LAMB1: variants seen among roughly 807,000 people sequenced by gnomAD.
LAMB1 encodes the protein laminin subunit beta-1.
Under a neutral mutation model 222.3 loss-of-function variants are expected in LAMB1, and 121 were observed. That is an observed-to-expected ratio of 0.54 (90% CI 0.47 to 0.63). The LOEUF is 0.63. LAMB1 is among the 30% of genes least tolerant of loss of function. The pLI is 0.00. For synonymous variants in LAMB1, 794 were observed against 807.2 expected, an observed-to-expected ratio of 0.98 and a Z score of 0.28; for missense variants, 2,172 against 2,240.8, an observed-to-expected ratio of 0.97 and a Z score of 0.62.
At chr7:107,963,141 G>C in intron 14 of LAMB1, 78 bp from the exon 15 acceptor site, 1 of 1,342,888 alleles carries the variant, frequency 7.4e-7, no homozygotes, top group Non-Finnish European at 1.0e-6. Context: ...GTAATCCGAA[G>C]TCACCCAAAG....
intron 8 of LAMB1, among the ~76,000 whole-genome samples, chr7:107,978,735 T>A (rs891440038): frequency 1.3e-5 from 2 of 152,224 alleles, no homozygotes; most frequent in African/African-American, 4.8e-5. Context: ...TTTACATTTA[T>A]GTTTTCCTTT....
intron 32 of LAMB1, 82 bp downstream of exon 32, chr7:107,926,099 CAT>C: frequency 2.0e-6 from 2 of 1,005,464 alleles, no homozygotes; most frequent in Non-Finnish European, 3.0e-6. Flanking sequence ...CTGTTAGGTC[CAT>C]GTCCCTTACT....
intron 24 of LAMB1, among the ~76,000 whole-genome samples, chr7:107,948,283 G>A (rs1243352742): frequency 2.0e-5 from 3 of 152,078 alleles, no homozygotes; most frequent in East Asian, 1.9e-4. Context: ...CACCGTGCCC[G>A]GCTAACATTT....
Position 107,929,441 on chromosome 7 carries a change from C to G in LAMB1, c.4716G>C (p.Glu1572Asp), listed in dbSNP as rs1584482581. The G allele has an allele frequency of 3.1e-6, 5 of 1,614,038 alleles. No individual in the cohort carries two copies. The African/African-American group carries it at 4.0e-5, about 13-fold the overall frequency. ...CTCTTTTAGCTTCTTCTAACAACAT[C>G]TCAGCTCTGGCAATGTCAGCAGCAC... ...QHSAADIARA[E>D]MLLEEAKRAS... Residue 1572 changes from glutamate (E) to aspartate (D), a missense_variant, in exon 30 of 34, where the codon GAG becomes GAC. Transcript: ENST00000222399.
chr7:107,937,129 C>G lies in LAMB1; in HGVS notation c.3910G>C (p.Glu1304Gln). 1 of 1,613,856 alleles carries G rather than the reference C, an allele frequency of 6.2e-7. No individual in the cohort carries two copies. Among genetic ancestry groups the G allele is most frequent in the Non-Finnish European group, 8.5e-7 (1 of 1,179,936 alleles). Residue 1304 changes from glutamate to glutamine, a missense_variant, in exon 26 of 34, where the codon GAA becomes CAA. Coordinates refer to ENST00000222399, the MANE Select transcript of LAMB1 (RefSeq NM_002291.3). ...GAGTTTTTGATAAATTCCAGTTGTT[C>G]AGCAAGTTCTTTCACAGTGTTGTCT... Reference protein sequence around the residue: ...SLDNTVKELAEQLEFIKNSDI... With the variant: ...SLDNTVKELAQQLEFIKNSDI...
chr7:107,998,323 C>T, intron 4 of LAMB1, 34 bp downstream of exon 4: 1 of 1,608,636 alleles, frequency 6.2e-7, no homozygotes, highest in Non-Finnish European at 8.5e-7. Context: ...ATCAATCACA[C>T]TCAACGGAAC....
At chr7:107,979,905 C>G (rs1008056920) in intron 8 of LAMB1, among the ~76,000 whole-genome samples, 1 of 152,138 alleles carries the variant, frequency 6.6e-6, no homozygotes, top group African/African-American at 2.4e-5. Context: ...GAAGCCCTGT[C>G]TCTACTAAAA....
At chr7:107,953,404 G>A in intron 22 of LAMB1, 126 bp downstream of exon 22, 1 of 732,750 alleles carries the variant, frequency 1.4e-6, no homozygotes, top group Non-Finnish European at 2.2e-6. Flanking sequence ...AGTTGAAAGT[G>A]AAATTTTACC....
At chr7:107,970,348 T>C (rs1405250764) in intron 13 of LAMB1, among the ~76,000 whole-genome samples, 4 of 151,710 alleles carry the variant, frequency 2.6e-5, no homozygotes, top group Admixed American at 6.6e-5. Flanking sequence ...ATTAGCTGAG[T>C]GTGGTAGCTG....
chr7:107,935,764 T>C, intron 26 of LAMB1, 108 bp from the exon 27 acceptor site: 1 of 1,261,548 alleles, frequency 7.9e-7, no homozygotes, highest in Non-Finnish European at 1.1e-6. Context: ...CTGTAAAGTT[T>C]TAAAATTCAA....
Position 107,962,998 on chromosome 7 carries a change from G to T in LAMB1, c.1764C>A (p.Phe588Leu), listed in dbSNP as rs34450895. The T allele has an allele frequency of 6.2e-7, 1 of 1,613,896 alleles. No individual in the cohort carries two copies. Among genetic ancestry groups the T allele is most frequent in the African/African-American group, 1.3e-5 (1 of 74,920 alleles). ...AATAAGCCCCTTCAGGCACTCGGAC[G>T]AAGCCGGCTCCAGTCCAGGAGGGAA... The part of the protein sequence containing the change: ...DRIPSWTGAG[F>L]VRVPEGAYLE... The change falls in exon 15 of 34, where the codon TTC becomes TTA. Residue 588 changes from phenylalanine to leucine, a missense_variant. Coordinates refer to ENST00000222399, the MANE Select transcript of LAMB1 (RefSeq NM_002291.3).
intron 20 of LAMB1, among the ~76,000 whole-genome samples, chr7:107,956,600 CAG>C (rs1407174386): frequency 6.6e-6 from 1 of 152,212 alleles, no homozygotes; most frequent in Non-Finnish European, 1.5e-5. Flanking sequence ...CCTTGTATTA[CAG>C]AGTCTGTCCT....
At chr7:107,983,145 G>C (rs149968458) in intron 7 of LAMB1, among the ~76,000 whole-genome samples, 1 of 152,202 alleles carries the variant, frequency 6.6e-6, no homozygotes, top group African/African-American at 2.4e-5. Context: ...GAGAATGAAT[G>C]AGTAAATTAC....
rs2032837410 is a variant in LAMB1, at chr7:107,935,953, G to A, written c.3947-297C>T. Among the ~76,000 whole-genome samples the A allele has an allele frequency of 2.0e-5, 3 of 152,154 alleles. 1 individual carries two copies. In the South Asian group the frequency reaches 6.2e-4, roughly 32 times the overall value. On this transcript the variant is annotated intron_variant, in intron 26 of 33. Coordinates refer to ENST00000222399, the MANE Select transcript of LAMB1 (RefSeq NM_002291.3). ...GTTCTTTATAAATAGCTGGTTTCAGGCAGCCTGAAGATTATATGACTAGAT... is the reference window on the plus strand; with the variant it reads ...GTTCTTTATAAATAGCTGGTTTCAGACAGCCTGAAGATTATATGACTAGAT...
intron 26 of LAMB1, among the ~76,000 whole-genome samples, chr7:107,936,621 G>A (rs1192928063): frequency 2.0e-5 from 3 of 152,194 alleles, no homozygotes; most frequent in Non-Finnish European, 4.4e-5. Context: ...TAGTTGGACA[G>A]TATGATGTAA....
At position 107,953,598 on chromosome 7, in the gene LAMB1, G is replaced by T; in HGVS notation, c.3011C>A (p.Thr1004Lys). 1 of 1,614,134 alleles carries T rather than the reference G, an allele frequency of 6.2e-7. No individual in the cohort carries two copies. The highest frequency in any genetic ancestry group is 8.5e-7 in the Non-Finnish European group (1 of 1,180,022). ...GCAGAACTGACAGTGTTCCCCTTCCGTGTGGTACAGGCACTTGAGACACCT... is the reference window on the plus strand; with the variant it reads ...GCAGAACTGACAGTGTTCCCCTTCCTTGTGGTACAGGCACTTGAGACACCT... ...TGRCLKCLYH[T>K]EGEHCQFCRF... Residue 1004 changes from threonine (T) to lysine (K), a missense_variant, in exon 22 of 34, where the codon ACG (threonine) becomes AAG (lysine). Transcript: ENST00000222399.
chr7:108,002,639 C>A (rs1157194656), intron 2 of LAMB1, among the ~76,000 whole-genome samples: 1 of 152,218 alleles, frequency 6.6e-6, no homozygotes, highest in Non-Finnish European at 1.5e-5. Context: ...GGGCGCAGAG[C>A]CCGGGGGATG....
At chr7:107,975,553 C>T in intron 10 of LAMB1, 136 bp downstream of exon 10, 1 of 1,223,452 alleles carries the variant, frequency 8.2e-7, no homozygotes, top group Non-Finnish European at 1.1e-6. Context: ...AATTCCACTC[C>T]CAGCGTCTTC....
intron 24 of LAMB1, among the ~76,000 whole-genome samples, chr7:107,947,983 C>CTTTT (rs10630521): frequency 0.013 from 1,557 of 117,186 alleles, 93 homozygotes; most frequent in African/African-American, 0.045. Flanking sequence ...TCTTCTTCTT[C>CTTTT]TTTTTTTTTT....
Sources: gnomAD v4.1 joint callset for allele counts (sites outside exome capture counted in the v4.1 genomes callset) on GRCh38, gnomAD v4.1.1 for gene constraint, MANE v1.5 for transcripts, NCBI Gene and HGNC (gene_info 2026-07-23, HGNC 2026-07-21) for gene names.